The following VWA7 variants were observed in gnomAD, a reference collection of about 807,000 sequenced individuals.
VWA7 encodes the protein von Willebrand factor A domain containing 7, also known as von Willebrand factor A domain-containing protein 7.
VWA7 carries 66 observed loss-of-function variants against 83.1 expected under a neutral mutation model. The observed-to-expected ratio is 0.79, with a 90% confidence interval of 0.65 to 0.98. The LOEUF (loss-of-function observed/expected upper bound fraction) is 0.98. Among genes scored for constraint, VWA7 ranks in the 50% least tolerant of loss-of-function variants. The pLI is 0.00. For synonymous variants in VWA7, 424 were observed against 488.5 expected (o/e 0.87, Z 1.74); for missense variants, 1,080 against 1,160.2 (o/e 0.93, Z 1.00).
intron 10 of VWA7, among the ~76,000 whole-genome samples, chr6:31,768,637 G>A (rs1307027087): frequency 6.6e-6 from 1 of 152,070 alleles, no homozygotes; most frequent in Admixed American, 6.6e-5. Context: ...TCAGGAGTAC[G>A]AAACCAGCCT....
chr6:31,772,584 C>CTTTT (rs9279415), intron 7 of VWA7, among the ~76,000 whole-genome samples: 801 of 35,092 alleles, frequency 0.023, 4 homozygotes, highest in Non-Finnish European at 0.026. Flanking sequence ...TCTTTCTTTT[C>CTTTT]TTTTTTTTTT....
In VWA7 at chr6:31,775,441, G is replaced by T; in HGVS notation, c.514-12C>A. 6.2e-7 allele frequency: 1 copy of T among 1,608,822 alleles called. No homozygotes were observed. Among genetic ancestry groups the T allele is most frequent in the Non-Finnish European group, 8.5e-7 (1 of 1,177,356 alleles). On this transcript the variant is annotated splice_polypyrimidine_tract_variant and intron_variant, in intron 3 of 16. Coordinates refer to ENST00000375688, the MANE Select transcript of VWA7 (RefSeq NM_025258.3). This position sits in a 1 kb window ranked among gnomAD's most constrained non-coding sequence, Gnocchi z 5.9. The stretch of plus-strand genomic sequence containing the variant: ...TGACTGTAGAAATCCTGGTCCGGAG[G>T]ACAGGAGAAGGGGAGTGAGGCACTA...
intron 7 of VWA7, chr6:31,771,288 T>C (rs138464885): frequency 1.4e-4 from 21 of 152,270 alleles, no homozygotes; most frequent in African/African-American, 4.8e-4. Flanking sequence ...CAGTAGGCAT[T>C]TTATTTGATC....
At position 31,775,972 on chromosome 6, in the gene VWA7, C is replaced by A; in HGVS notation, c.505G>T (p.Ala169Ser). Residue 169 changes from alanine to serine, a missense_variant, in exon 3 of 17, where the codon GCC becomes TCC. Ala to Ser is a moderately conservative substitution (Grantham distance 99). Coordinates refer to ENST00000375688, the MANE Select transcript of VWA7 (RefSeq NM_025258.3). This position sits in a 1 kb window ranked among gnomAD's most constrained non-coding sequence, Gnocchi z 5.9. ...ARQRLGAALH[A>S]LQDFYSHSNW... ...CCCAACCCTGTTCTCACCTGCAGGG[C>A]ATGAAGTGCAGCCCCGAGGCGCTGG... 6.2e-7 allele frequency: 1 copy of A among 1,609,566 alleles called. No homozygotes were observed. Among genetic ancestry groups the A allele is most frequent in the South Asian group, 1.1e-5 (1 of 90,810 alleles).
chr6:31,766,553 G>A lies in VWA7; in HGVS notation c.2094C>T (p.Phe698=). ...CGTCCTGGCCAATCAGCTCCAGGGA[G>A]AAGGGTCTAGGGGTGGACAGCAGCG... ...SPTLLSTPRP[F]SLELIGQDAA... is the part of the protein sequence containing the mutation. The change falls in exon 14 of 17, where the codon TTC becomes TTT. Residue 698 remains phenylalanine, a synonymous_variant. Transcript: ENST00000375688. The surrounding 1 kb of genome is among the most constrained non-coding windows in gnomAD (Gnocchi z 4.9). The A allele has an allele frequency of 3.7e-6, 6 of 1,612,882 alleles. No individual in the cohort carries two copies. Among genetic ancestry groups the A allele is most frequent in the Non-Finnish European group, 5.1e-6 (6 of 1,179,988 alleles).
chr6:31,766,711 G>A lies in VWA7; in HGVS notation c.1936C>T (p.Pro646Ser), dbSNP rs1811625007. The A allele has an allele frequency of 1.2e-6, 2 of 1,612,344 alleles. No individual in the cohort carries two copies. The highest frequency in any genetic ancestry group is 1.7e-5 in the Admixed American group (1 of 59,990). ...EVTGLGSRAN[P>S]GDPQPHFSHV... ...GAGAAATGCGGCTGAGGATCCCCAG[G>A]ATTGGCTCTGGAACCCAACCCTGTC... The change falls in exon 14 of 17, where the codon CCT (proline) becomes TCT (serine). Residue 646 changes from proline (P) to serine (S), a missense_variant. Coordinates refer to ENST00000375688, the MANE Select transcript of VWA7 (RefSeq NM_025258.3). The surrounding 1 kb of genome is among the most constrained non-coding windows in gnomAD (Gnocchi z 4.9).
In VWA7 at chr6:31,776,417, C is replaced by T; in HGVS notation, c.234+129G>A. The stretch of plus-strand genomic sequence containing the variant: ...ACTCCTAATTTCAGGACCAAGACTA[C>T]TGGGTATTATTGCTGCAGGGGTGGG... On this transcript the variant is annotated intron_variant, in intron 2 of 16. Coordinates refer to ENST00000375688, the MANE Select transcript of VWA7 (RefSeq NM_025258.3). This position sits in a 1 kb window ranked among gnomAD's most constrained non-coding sequence, Gnocchi z 6.2. 1 of 1,231,820 alleles carries T rather than the reference C, an allele frequency of 8.1e-7. No homozygotes were observed. Among genetic ancestry groups the T allele is most frequent in the South Asian group, 1.5e-5 (1 of 64,862 alleles). The allele number at this position is 1,231,820 out of a possible 1,614,324, so 76.3% of individuals were successfully genotyped here. A position where few individuals can be genotyped will look rare whatever the true frequency, so the allele number is the denominator to read the frequency against.
Position 31,776,343 on chromosome 6 carries a change from C to T in VWA7, c.235-101G>A. 1.3e-6 allele frequency: 2 copies of T among 1,492,624 alleles called. No individual in the cohort carries two copies. Among genetic ancestry groups the T allele is most frequent in the South Asian group, 2.6e-5 (2 of 77,856 alleles). The allele number at this position is 1,492,624 out of a possible 1,614,324, so 92.5% of individuals were successfully genotyped here. Reference sequence around the variant, plus strand: ...GACACTCAAGGCTGGGTATGAGGGTCCTGAGCCCCACAAAGGAGGGACAGT... The same window carrying T: ...GACACTCAAGGCTGGGTATGAGGGTTCTGAGCCCCACAAAGGAGGGACAGT... On this transcript the variant is annotated intron_variant, in intron 2 of 16. Transcript: ENST00000375688. This position sits in a 1 kb window ranked among gnomAD's most constrained non-coding sequence, Gnocchi z 6.2.
intron 4 of VWA7, 42 bp from the exon 5 acceptor site, chr6:31,774,668 C>A: frequency 6.5e-7 from 1 of 1,550,072 alleles, no homozygotes; most frequent in East Asian, 2.3e-5. Context: ...ATTCTGCCAC[C>A]CCCAGCCTTT....
rs746535701 is a variant in VWA7 at position 31,769,145 on chromosome 6, A to C, written c.1376T>G (p.Ile459Ser). ...TGGCTCAAAACGCAGAGGGGACAAG[A>C]TCTCACGCCGAGCTCGACCCTGAAC... ...SRVQGRARRE[I>S]LSPLRFEPYK... is the part of the protein sequence containing the mutation. Residue 459 changes from isoleucine to serine, a missense_variant, in exon 10 of 17, where the codon ATC (isoleucine) becomes AGC (serine). Transcript: ENST00000375688. The surrounding 1 kb of genome is among the most constrained non-coding windows in gnomAD (Gnocchi z 4.5). 5 of 1,613,090 alleles carry C rather than the reference A, an allele frequency of 3.1e-6. No individual in the cohort carries two copies. The highest frequency in any genetic ancestry group is 4.2e-6 in the Non-Finnish European group (5 of 1,180,042).
In VWA7 at chr6:31,772,957, G is replaced by C; in HGVS notation, c.1084C>G (p.Pro362Ala). Reference sequence around the variant, plus strand: ...GTCCTAGCCAGACCACACTTACCTGGGTCATGAAAAGGCACCAGGACATAG... The same window carrying C: ...GTCCTAGCCAGACCACACTTACCTGCGTCATGAAAAGGCACCAGGACATAG... ...VHYVLVPFHDPGFGPVFTTSD... is the reference protein window; with the variant it reads ...VHYVLVPFHDAGFGPVFTTSD... The change falls in exon 7 of 17, where the codon CCA (proline) becomes GCA (alanine). Residue 362 changes from proline to alanine, a missense_variant. Physicochemically the swap from Pro to Ala is conservative, Grantham distance 27. Transcript: ENST00000375688. 6.2e-7 allele frequency: 1 copy of C among 1,606,298 alleles called. No homozygotes were observed. Among genetic ancestry groups the C allele is most frequent in the Non-Finnish European group, 8.5e-7 (1 of 1,176,640 alleles).
chr6:31,766,829 T>C lies in VWA7; in HGVS notation c.1883-65A>G. 1.3e-6 allele frequency: 2 copies of C among 1,526,016 alleles called. No individual in the cohort carries two copies. The highest frequency in any genetic ancestry group is 8.8e-7 in the Non-Finnish European group (1 of 1,131,500). 94.5% of individuals were successfully genotyped at this position (1,526,016 alleles called of 1,614,324 possible). On this transcript the variant is annotated intron_variant, in intron 13 of 16. Coordinates refer to ENST00000375688, the MANE Select transcript of VWA7 (RefSeq NM_025258.3). This position sits in a 1 kb window ranked among gnomAD's most constrained non-coding sequence, Gnocchi z 4.9. ...GGAGACACAGGGAGAAAAGAATTAATGGCCTTCAAAATAGGGGTTCCCTCT... is the reference window on the plus strand; with the variant it reads ...GGAGACACAGGGAGAAAAGAATTAACGGCCTTCAAAATAGGGGTTCCCTCT...
Position 31,769,224 on chromosome 6 carries a change from A to G in VWA7, c.1318-21T>C. 1 of 1,604,128 alleles carries G rather than the reference A, an allele frequency of 6.2e-7. No individual in the cohort carries two copies. Among genetic ancestry groups the G allele is most frequent in the African/African-American group, 1.3e-5 (1 of 74,916 alleles). Reference sequence around the variant, plus strand: ...GTTACCTGTACCCAGAAGAGAGCTCAGTGATTGGGGTGTCCAAGTGCCATC... The same window carrying G: ...GTTACCTGTACCCAGAAGAGAGCTCGGTGATTGGGGTGTCCAAGTGCCATC... On this transcript the variant is annotated intron_variant, in intron 9 of 16. Coordinates refer to ENST00000375688, the MANE Select transcript of VWA7 (RefSeq NM_025258.3). The surrounding 1 kb of genome is among the most constrained non-coding windows in gnomAD (Gnocchi z 4.5).
In VWA7 at chr6:31,767,358, T is replaced by A; in HGVS notation, c.1789+4A>T. ...CCCCTTCCCAGGAACACCTCCCTCC[T>A]TACCTTGCACTCTCACCCCAGGGGT... On this transcript the variant is annotated splice_donor_region_variant and intron_variant, in intron 12 of 16. Coordinates refer to ENST00000375688, the MANE Select transcript of VWA7 (RefSeq NM_025258.3). 1 of 1,612,864 alleles carries A rather than the reference T, an allele frequency of 6.2e-7. No individual in the cohort carries two copies. The highest frequency in any genetic ancestry group is 8.5e-7 in the Non-Finnish European group (1 of 1,179,362).
In VWA7 at chr6:31,770,115, T is replaced by G; in HGVS notation, c.1088-2A>C. On this transcript the variant is annotated splice_acceptor_variant, in intron 7 of 16. Coordinates refer to ENST00000375688, the MANE Select transcript of VWA7 (RefSeq NM_025258.3). LOFTEE classifies it high-confidence loss of function. The stretch of plus-strand genomic sequence containing the variant: ...TGGTTGTAAAGACAGGGCCGAACCC[T>G]GGGAAGGGGAAAGGAGGTTAAGATA... 6.2e-7 allele frequency: 1 copy of G among 1,611,996 alleles called. No individual in the cohort carries two copies. The highest frequency in any genetic ancestry group is 2.2e-5 in the East Asian group (1 of 44,862).
chr6:31,772,925 C>T (rs759101011), intron 7 of VWA7, 29 bp downstream of exon 7: 1 of 1,595,760 alleles, frequency 6.3e-7, no homozygotes, highest in Non-Finnish European at 8.5e-7. Context: ...TTTTCCTCCC[C>T]TCTACTGTCC....
rs549310215 is a variant in VWA7, at chr6:31,775,533, C to T, written c.514-104G>A. 38 of 972,262 alleles carry T rather than the reference C, an allele frequency of 3.9e-5. No homozygotes were observed. The highest frequency in any genetic ancestry group is 4.7e-5 in the Non-Finnish European group (31 of 653,744). The allele number at this position is 972,262 out of a possible 1,614,324, so 60.2% of individuals were successfully genotyped here. A position where few individuals can be genotyped will look rare whatever the true frequency, so the allele number is the denominator to read the frequency against. On this transcript the variant is annotated intron_variant, in intron 3 of 16. Coordinates refer to ENST00000375688, the MANE Select transcript of VWA7 (RefSeq NM_025258.3). This position sits in a 1 kb window ranked among gnomAD's most constrained non-coding sequence, Gnocchi z 5.9. ...CTTTGAGTTCCCCATCCCGAAAGTC[C>T]CCTCCCACCCCTACTGCTCCCACCA...
chr6:31,767,349 C>T lies in VWA7; in HGVS notation c.1789+13G>A. 1 of 1,612,730 alleles carries T rather than the reference C, an allele frequency of 6.2e-7. No homozygotes were observed. Among genetic ancestry groups the T allele is most frequent in the East Asian group, 2.2e-5 (1 of 44,858 alleles). On this transcript the variant is annotated intron_variant, in intron 12 of 16. Coordinates refer to ENST00000375688, the MANE Select transcript of VWA7 (RefSeq NM_025258.3). The stretch of plus-strand genomic sequence containing the variant: ...TCTCTGCTTCCCCTTCCCAGGAACA[C>T]CTCCCTCCTTACCTTGCACTCTCAC...
At chr6:31,770,484 C>G (rs1812067514) in intron 7 of VWA7, among the ~76,000 whole-genome samples, 1 of 147,706 alleles carries the variant, frequency 6.8e-6, no homozygotes, top group South Asian at 2.1e-4. Flanking sequence ...GAGGCTGAGG[C>G]AGGAGAATCA....
Sources: allele counts gnomAD v4.1 joint callset (sites outside exome capture counted in the v4.1 genomes callset), GRCh38; gene constraint gnomAD v4.1.1; non-coding constraint Gnocchi (gnomAD v3.1); transcripts MANE v1.5; gene names NCBI Gene and HGNC (gene_info 2026-07-23, HGNC 2026-07-21).